The following GRIN3B variants were observed in gnomAD, a reference collection of about 807,000 sequenced individuals.
GRIN3B encodes glutamate ionotropic receptor NMDA type subunit 3B.
Under a neutral mutation model 66.0 loss-of-function variants are expected in GRIN3B, and 77 were observed. The observed-to-expected ratio is 1.17, with a 90% CI of 0.97 to 1.41. The LOEUF (loss-of-function observed/expected upper bound fraction) is 1.41, where lower values mean the gene tolerates loss of function less well. Ranked by LOEUF, GRIN3B falls within the 40% of genes most tolerant of loss-of-function variation. GRIN3B has a pLI of 0.00. For synonymous variants in GRIN3B, 823 were observed against 749.7 expected (o/e 1.10, Z -1.60); for missense variants, 1,787 against 1,564.5 (o/e 1.14, Z -2.40).
At chr19:1,002,363 C>CAAAA (rs71335327) in intron 1 of GRIN3B, among the ~76,000 whole-genome samples, 9 of 74,686 alleles carry the variant, frequency 1.2e-4, no homozygotes, top group Non-Finnish European at 1.9e-4. Flanking sequence ...ACTAAAAATA[C>CAAAA]AAAAAAAAAA....
chr19:1,000,433 T>A lies in GRIN3B; in HGVS notation c.-5T>A. ...CCCGTGGCGAGCGACGCCGACAACT[T>A]TGCGATGGAGTTTGTGCGGGCGCTG... On this transcript the variant is annotated 5_prime_UTR_variant, in exon 1 of 9. The change creates a new upstream start codon in the 5' untranslated region. Coordinates refer to ENST00000234389, the MANE Select transcript of GRIN3B (RefSeq NM_138690.3). 2 of 1,211,624 alleles carry A rather than the reference T, an allele frequency of 1.7e-6. No homozygotes were observed. The highest frequency in any genetic ancestry group is 2.1e-6 in the Non-Finnish European group (2 of 973,484). The allele number at this position is 1,211,624 out of a possible 1,614,324, so 75.1% of individuals were successfully genotyped here. A position where few individuals can be genotyped will look rare whatever the true frequency, so the allele number is the denominator to read the frequency against.
At position 1,005,300 on chromosome 19, in the gene GRIN3B, C is replaced by A. The variant is rs1485675989; in HGVS notation, c.1799C>A (p.Pro600His). ...CTCACCGTGTACGAGTGGCGTAGCC[C>A]CTACGGCCTCACGCCACGTGGCCGC... ...LFLTVYEWRS[P>H]YGLTPRGRNR... Residue 600 changes from proline to histidine, a missense_variant, in exon 3 of 9, where the codon CCC (proline) becomes CAC (histidine). Pro to His is a moderately conservative substitution (Grantham distance 77, BLOSUM62 -2). Transcript: ENST00000234389. This position sits in a 1 kb window ranked among gnomAD's most constrained non-coding sequence, Gnocchi z 5.2. 3.1e-6 allele frequency: 5 copies of A among 1,613,666 alleles called. No homozygotes were observed. The Admixed American group carries it at 6.7e-5, about 22-fold the overall frequency.
In GRIN3B at chr19:1,005,259, C is replaced by A; in HGVS notation, c.1758C>A (p.His586Gln). ...GGCTGGGCGTCTTTGCGGCCCTGCA[C>A]CTCACCGCGCTCTTCCTCACCGTGT... ...STWLGVFAAL[H>Q]LTALFLTVYE... The change falls in exon 3 of 9, where the codon CAC becomes CAA. Residue 586 changes from histidine (H) to glutamine (Q), a missense_variant. Coordinates refer to ENST00000234389, the MANE Select transcript of GRIN3B (RefSeq NM_138690.3). This position sits in a 1 kb window ranked among gnomAD's most constrained non-coding sequence, Gnocchi z 5.2. 6.2e-7 allele frequency: 1 copy of A among 1,613,490 alleles called. No individual in the cohort carries two copies.
intron 5 of GRIN3B, 70 bp downstream of exon 5, chr19:1,008,041 G>C: frequency 6.3e-7 from 1 of 1,583,662 alleles, no homozygotes; most frequent in Non-Finnish European, 8.6e-7. Flanking sequence ...GGGGAGCCAC[G>C]GAGGGTTCGA....
chr19:1,003,556 G>A lies in GRIN3B; in HGVS notation c.853G>A (p.Ala285Thr). The change falls in exon 2 of 9, where the codon GCA becomes ACA. Residue 285 changes from alanine to threonine, a missense_variant. Coordinates refer to ENST00000234389, the MANE Select transcript of GRIN3B (RefSeq NM_138690.3). ...AGGGCTGCTGGCGCTGGGCGAGGTG[G>A]CACGACCCCCGCTGGAGGCCGCCAT... is the stretch of plus-strand genomic sequence containing the variant. ...PPGLLALGEV[A>T]RPPLEAAIHD... 6.6e-7 allele frequency: 1 copy of A among 1,513,618 alleles called. No homozygotes were observed. The highest frequency in any genetic ancestry group is 8.8e-7 in the Non-Finnish European group (1 of 1,136,514). The allele number at this position is 1,513,618 out of a possible 1,614,324, so 93.8% of individuals were successfully genotyped here. A position where few individuals can be genotyped will look rare whatever the true frequency, so the allele number is the denominator to read the frequency against.
Position 1,004,913 on chromosome 19 carries a change from C to A in GRIN3B, c.1412C>A (p.Ala471Asp), listed in dbSNP as rs753813570. The A allele has an allele frequency of 3.7e-6, 6 of 1,611,728 alleles. No individual in the cohort carries two copies. In the South Asian group the frequency reaches 5.5e-5, roughly 15 times the overall value. ...CTGGCCAACGGCTCAGCGCCCCGTG[C>A]CCTGCGCAAGTGCTGCTACGGCTAC... is the stretch of plus-strand genomic sequence containing the variant. ...AALANGSAPR[A>D]LRKCCYGYCI... Residue 471 changes from alanine to aspartate, a missense_variant, in exon 3 of 9, where the codon GCC (alanine) becomes GAC (aspartate). Ala to Asp is a moderately radical substitution (Grantham distance 126). Coordinates refer to ENST00000234389, the MANE Select transcript of GRIN3B (RefSeq NM_138690.3).
chr19:1,003,696 C>T lies in GRIN3B; in HGVS notation c.993C>T (p.Pro331=), dbSNP rs918965745. Residue 331 remains proline (P), a synonymous_variant, in exon 2 of 9, where the codon CCC becomes CCT. Transcript: ENST00000234389. The part of the protein sequence containing the change: ...VNCGDLQPAG[P]ESPGRFLARF... ...GCGGGGACCTGCAGCCGGCCGGGCC[C>T]GAGTCCCCGGGGCGCTTCTTGGCAC... The T allele has an allele frequency of 6.4e-6, 9 of 1,405,694 alleles. No homozygotes were observed. Among genetic ancestry groups the T allele is most frequent in the South Asian group, 3.1e-5 (2 of 65,012 alleles). 87.1% of individuals were successfully genotyped at this position (1,405,694 alleles called of 1,614,324 possible).
Position 1,009,605 on chromosome 19 carries a change from C to A in GRIN3B, c.*3C>A. On this transcript the variant is annotated 3_prime_UTR_variant, in exon 9 of 9. Coordinates refer to ENST00000234389, the MANE Select transcript of GRIN3B (RefSeq NM_138690.3). ...GCCGACCGGGGAGCCAGGAATGAGG[C>A]GGCAGCCGGGCCGTTTGGGCTCAAG... The A allele has an allele frequency of 7.0e-7, 1 of 1,426,204 alleles. No homozygotes were observed. Among genetic ancestry groups the A allele is most frequent in the South Asian group, 1.4e-5 (1 of 69,076 alleles). 88.3% of individuals were successfully genotyped at this position (1,426,204 alleles called of 1,614,324 possible).
At position 1,009,440 on chromosome 19, in the gene GRIN3B, C is replaced by T. The variant is rs775690196; in HGVS notation, c.2970C>T (p.Ile990=). The change falls in exon 9 of 9, where the codon ATC becomes ATT. Residue 990 remains isoleucine, a synonymous_variant. Transcript: ENST00000234389. ...AGCTGCAGGAGCTGGAGCGCCGCAT[C>T]GAAGTCGCGCGTGAGCGGCTCCGCC... ...PGELQELERR[I]EVARERLRQA... is the part of the protein sequence containing the mutation. 28 of 1,462,404 alleles carry T rather than the reference C, an allele frequency of 1.9e-5. No individual in the cohort carries two copies. The highest frequency in any genetic ancestry group is 2.5e-5 in the Admixed American group (1 of 40,180). The allele number at this position is 1,462,404 out of a possible 1,614,324, so 90.6% of individuals were successfully genotyped here.
In GRIN3B at chr19:1,003,291, C is replaced by T; in HGVS notation, c.588C>T (p.Gly196=). Residue 196 remains glycine (G), a synonymous_variant, in exon 2 of 9, where the codon GGC becomes GGT. Transcript: ENST00000234389. ...TGGCCCTCTGGACAAGCCGGGCTGG[C>T]CGGCCCCCACAGCTGGTCCTGGACC... ...GLVALWTSRA[G]RPPQLVLDLS... is the part of the protein sequence containing the mutation. 4 of 1,569,912 alleles carry T rather than the reference C, an allele frequency of 2.5e-6. No homozygotes were observed. The highest frequency in any genetic ancestry group is 2.6e-6 in the Non-Finnish European group (3 of 1,159,824).
In GRIN3B at chr19:1,000,860, C is replaced by G; in HGVS notation, c.423C>G (p.Ala141=). 7.1e-7 allele frequency: 1 copy of G among 1,412,194 alleles called. No homozygotes were observed. The highest frequency in any genetic ancestry group is 9.2e-7 in the Non-Finnish European group (1 of 1,087,680). 87.5% of individuals were successfully genotyped at this position (1,412,194 alleles called of 1,614,324 possible). ...LRREARAPLG[A]PNPFHLQLHW... is the part of the protein sequence containing the mutation. ...GGGAGGCGCGCGCGCCCCTCGGAGCCCCGGTACGCGGGACGCCCGGAGTCA... is the reference window on the plus strand; with the variant it reads ...GGGAGGCGCGCGCGCCCCTCGGAGCGCCGGTACGCGGGACGCCCGGAGTCA... The change falls in exon 1 of 9, where the codon GCC becomes GCG. Residue 141 remains alanine, a synonymous_variant. Coordinates refer to ENST00000234389, the MANE Select transcript of GRIN3B (RefSeq NM_138690.3).
Position 1,009,478 on chromosome 19 carries a change from G to C in GRIN3B, c.3008G>C (p.Arg1003Pro). 6.7e-7 allele frequency: 1 copy of C among 1,488,240 alleles called. No individual in the cohort carries two copies. The highest frequency in any genetic ancestry group is 8.9e-7 in the Non-Finnish European group (1 of 1,125,874). The allele number at this position is 1,488,240 out of a possible 1,614,324, so 92.2% of individuals were successfully genotyped here. The change falls in exon 9 of 9, where the codon CGG (arginine) becomes CCG (proline). Residue 1003 changes from arginine (R) to proline (P), a missense_variant. By Grantham distance (103) the Arg-to-Pro change is moderately radical. Coordinates refer to ENST00000234389, the MANE Select transcript of GRIN3B (RefSeq NM_138690.3). The part of the protein sequence containing the change: ...ARERLRQALV[R>P]RGQLLAQLGD... ...GAGCGGCTCCGCCAGGCCCTGGTGC[G>C]GCGCGGCCAGCTCCTGGCACAGCTC... is the stretch of plus-strand genomic sequence containing the variant.
At chr19:1,008,077 G>T in intron 5 of GRIN3B, 63 bp from the exon 6 acceptor site, 1 of 1,565,198 alleles carries the variant, frequency 6.4e-7, no homozygotes, top group East Asian at 2.3e-5. Context: ...AATCCCACGT[G>T]TGCGGGCAGA....
chr19:1,008,641 C>A lies in GRIN3B; in HGVS notation c.2490C>A (p.His830Gln). ...AGACCCTGCAGATGAGCATCTACCACTTCGCGGGCCTCTTCGTGTTGCTGT... is the reference window on the plus strand; with the variant it reads ...AGACCCTGCAGATGAGCATCTACCAATTCGCGGGCCTCTTCGTGTTGCTGT... Reference protein sequence around the residue: ...VTETLQMSIYHFAGLFVLLCL... With the variant: ...VTETLQMSIYQFAGLFVLLCL... Residue 830 changes from histidine (H) to glutamine (Q), a missense_variant, in exon 7 of 9, where the codon CAC becomes CAA. Coordinates refer to ENST00000234389, the MANE Select transcript of GRIN3B (RefSeq NM_138690.3). 6.2e-7 allele frequency: 1 copy of A among 1,601,278 alleles called. No individual in the cohort carries two copies. The highest frequency in any genetic ancestry group is 8.5e-7 in the Non-Finnish European group (1 of 1,179,402).
chr19:1,002,884 A>C (rs78205126), intron 1 of GRIN3B: 9 of 364,970 alleles, frequency 2.5e-5, no homozygotes, highest in East Asian at 1.2e-4. Context: ...CAAAAAAAAA[A>C]CAAAAAACAC....
chr19:1,006,103 G>T (rs2038745706), intron 3 of GRIN3B, among the ~76,000 whole-genome samples: 1 of 152,114 alleles, frequency 6.6e-6, no homozygotes. Flanking sequence ...TCCCACCTTG[G>T]CCTCCCAAAG....
In GRIN3B at chr19:1,004,859, C is replaced by T. The variant is rs757287420; in HGVS notation, c.1358C>T (p.Ser453Leu). ...QLCLDPGTND[S>L]ATLDALFAAL... ...TGCCTGGACCCTGGCACCAACGACT[C>T]GGCCACCCTGGACGCACTGTTCGCC... The change falls in exon 3 of 9, where the codon TCG becomes TTG. Residue 453 changes from serine (S) to leucine (L), a missense_variant. By Grantham distance (145) the Ser-to-Leu change is moderately radical (BLOSUM62 -2). Coordinates refer to ENST00000234389, the MANE Select transcript of GRIN3B (RefSeq NM_138690.3). 3.0e-5 allele frequency: 48 copies of T among 1,611,414 alleles called. 1 individual carries two copies. Among genetic ancestry groups the T allele is most frequent in the Admixed American group, 2.8e-4 (17 of 59,948 alleles).
chr19:1,008,325 G>A, intron 6 of GRIN3B, 34 bp downstream of exon 6: 1 of 982,836 alleles, frequency 1.0e-6, no homozygotes, highest in South Asian at 1.4e-5. Context: ...GGTGGGGGTG[G>A]GGGTGGGCGT....
chr19:1,007,800 G>C lies in GRIN3B; in HGVS notation c.2198+27G>C, dbSNP rs1331108246. 9 of 1,517,484 alleles carry C rather than the reference G, an allele frequency of 5.9e-6. No homozygotes were observed. Among genetic ancestry groups the C allele is most frequent in the East Asian group, 5.1e-5 (2 of 39,040 alleles). The allele number at this position is 1,517,484 out of a possible 1,614,324, so 94.0% of individuals were successfully genotyped here. ...TGAGCCCGGGCGCGGGGTGAGGCGG[G>C]GGCGGGGCGTGGGGTGGGCGGGGCG... On this transcript the variant is annotated intron_variant, in intron 4 of 8. Transcript: ENST00000234389. This position sits in a 1 kb window ranked among gnomAD's most constrained non-coding sequence, Gnocchi z 4.4.
Sources: gnomAD v4.1 joint callset for allele counts (sites outside exome capture counted in the v4.1 genomes callset) on GRCh38, gnomAD v4.1.1 for gene constraint, Gnocchi (gnomAD v3.1) non-coding constraint, MANE v1.5 for transcripts, NCBI Gene and HGNC (gene_info 2026-07-23, HGNC 2026-07-21) for gene names.